Variants in RBFOX3 observed in about 807,000 individuals in gnomAD.
RBFOX3 encodes the protein RNA binding protein fox-1 homolog 3.
In RBFOX3, 17 loss-of-function variants were observed where a neutral mutation model predicts 48.7. That is an observed-to-expected ratio of 0.35 (90% CI 0.24 to 0.52). The LOEUF is 0.52. Among genes scored for constraint, RBFOX3 ranks in the 20% least tolerant of loss-of-function variants. RBFOX3 has a pLI of 0.94. For missense variants in RBFOX3, 382 were observed against 497.5 expected (o/e 0.77, Z 2.21); for synonymous variants, 212 against 209.5 (o/e 1.01, Z -0.10).
chr17:79,103,750 C>G lies in RBFOX3; in HGVS notation c.414+323G>C, dbSNP rs1256383843. On this transcript the variant is annotated intron_variant, in intron 7 of 14. Coordinates refer to ENST00000693108, the MANE Select transcript of RBFOX3 (RefSeq NM_001350451.2). The surrounding 1 kb of genome is among the most constrained non-coding windows in gnomAD (Gnocchi z 6.1). ...CCTCCCCAGCCTGCCCTCTCTGTAG[C>G]CCCTCCCTCAAGCTTCAAGGCCAGT... Among the ~76,000 whole-genome samples, 1 of 152,126 alleles carries G rather than the reference C, an allele frequency of 6.6e-6. No homozygotes were observed. The highest frequency in any genetic ancestry group is 1.5e-5 in the Non-Finnish European group (1 of 68,026).
At chr17:79,434,541 A>G (rs2069045269) in intron 2 of RBFOX3, among the ~76,000 whole-genome samples, 2 of 152,236 alleles carry the variant, frequency 1.3e-5, no homozygotes, top group African/African-American at 4.8e-5. Context: ...CTATGACAGC[A>G]TAAAAATCCC....
intron 3 of RBFOX3, among the ~76,000 whole-genome samples, chr17:79,247,856 G>T (rs759096275): frequency 6.6e-6 from 1 of 152,228 alleles, no homozygotes; most frequent in Non-Finnish European, 1.5e-5. Flanking sequence ...ACATCGAAGT[G>T]CCTCAGTTTA....
intron 2 of RBFOX3, among the ~76,000 whole-genome samples, chr17:79,368,716 G>A (rs1467232104): frequency 6.6e-6 from 1 of 152,140 alleles, no homozygotes; most frequent in Non-Finnish European, 1.5e-5. Flanking sequence ...GAGGCCCCAC[G>A]CTCAGCCTCC....
chr17:79,093,843 GCGCACCTCCCCGCCC>G (rs1322936813), intron 14 of RBFOX3, among the ~76,000 whole-genome samples: 4 of 148,782 alleles, frequency 2.7e-5, no homozygotes, highest in African/African-American at 9.9e-5. Context: ...ACGCCACGCC[GCGCACCTCCCCGCCC>G]CGCCCCTTCC....
At chr17:79,530,206 ACGGAGAG>A (rs2087507272) in intron 1 of RBFOX3, among the ~76,000 whole-genome samples, 2 of 152,148 alleles carry the variant, frequency 1.3e-5, no homozygotes, top group Non-Finnish European at 2.9e-5. Flanking sequence ...GCTGTGCACC[ACGGAGAG>A]AGTGGACTTT....
intron 4 of RBFOX3, among the ~76,000 whole-genome samples, chr17:79,179,300 TGCTCTG>T (rs2051325774): frequency 6.6e-6 from 1 of 152,226 alleles, no homozygotes; most frequent in African/African-American, 2.4e-5. Flanking sequence ...AGAGGGAACG[TGCTCTG>T]CCATCAACAA....
chr17:79,353,612 C>T (rs1031542548), intron 2 of RBFOX3, among the ~76,000 whole-genome samples: 7 of 152,236 alleles, frequency 4.6e-5, no homozygotes, highest in African/African-American at 1.4e-4. Context: ...AACACCAAAC[C>T]TCCAGGAAAT....
the RBFOX3 span, among the ~76,000 whole-genome samples, chr17:79,625,325 C>A: frequency 6.6e-6 from 1 of 152,156 alleles, no homozygotes; most frequent in African/African-American, 2.4e-5. Flanking sequence ...GCGGCCATGC[C>A]CTTGCCTGCA....
At chr17:79,426,304 G>A (rs1273057518) in intron 2 of RBFOX3, among the ~76,000 whole-genome samples, 2 of 152,202 alleles carry the variant, frequency 1.3e-5, no homozygotes, top group African/African-American at 2.4e-5. Context: ...GCTGTCGCAG[G>A]TGCTGGGAGA....
intron 2 of RBFOX3, among the ~76,000 whole-genome samples, chr17:79,370,266 G>T (rs568699627): frequency 1.3e-4 from 20 of 152,326 alleles, no homozygotes; most frequent in Admixed American, 3.9e-4. Flanking sequence ...CACTCTGCCC[G>T]GGTTGCCACG....
chr17:79,488,917 G>T (rs1430964049), intron 1 of RBFOX3, among the ~76,000 whole-genome samples: 6 of 152,332 alleles, frequency 3.9e-5, no homozygotes, highest in African/African-American at 1.4e-4. Context: ...GCCATTTAGG[G>T]ACATAGCATA....
At chr17:79,125,418 G>A (rs1297157524) in intron 4 of RBFOX3, among the ~76,000 whole-genome samples, 1 of 152,246 alleles carries the variant, frequency 6.6e-6, no homozygotes, top group Non-Finnish European at 1.5e-5. Context: ...CTAGAGCTGA[G>A]GACCCCCAGA....
rs10641407 is a variant in RBFOX3 at position 79,220,598 on chromosome 17, G to GGTGT, written c.-34+15164_-34+15167dup. 0.02 allele frequency among the ~76,000 whole-genome samples: 2,997 copies of GGTGT among 150,738 alleles called. 108 individuals are homozygous for GGTGT. The highest frequency in any genetic ancestry group is 0.069 in the African/African-American group (2,829 of 41,080). ...TCATCAAGCAGGGGACCCAGGGGAG[G>GGTGT]GTGTGTGTGTGTGTGTGTCGGGGGG... On this transcript the variant is annotated intron_variant, in intron 4 of 14. Coordinates refer to ENST00000693108, the MANE Select transcript of RBFOX3 (RefSeq NM_001350451.2). This position sits in a 1 kb window ranked among gnomAD's most constrained non-coding sequence, Gnocchi z 5.9.
chr17:79,106,621 G>A, intron 6 of RBFOX3, 30 bp downstream of exon 6: 3 of 1,432,332 alleles, frequency 2.1e-6, no homozygotes, highest in East Asian at 3.0e-5. Context: ...AGGTGTGGAG[G>A]GCAGGATGGG....
rs145604541 is a variant in RBFOX3, at chr17:79,346,043, C to T, written c.-174-38219G>A. On this transcript the variant is annotated intron_variant, in intron 2 of 14. Coordinates refer to ENST00000693108, the MANE Select transcript of RBFOX3 (RefSeq NM_001350451.2). ...TCAAGCAATTCTCCTGCCTTAGCCTCCCAAGTAGCTGGGATTACAAGCACA... is the reference window on the plus strand; with the variant it reads ...TCAAGCAATTCTCCTGCCTTAGCCTTCCAAGTAGCTGGGATTACAAGCACA... 1.7e-3 allele frequency among the ~76,000 whole-genome samples: 259 copies of T among 152,242 alleles called. 3 individuals are homozygous for T. Among genetic ancestry groups the T allele is most frequent in the African/African-American group, 5.9e-3 (246 of 41,536 alleles).
chr17:79,558,721 C>A (rs1322496973), intron 1 of RBFOX3, among the ~76,000 whole-genome samples: 2 of 152,306 alleles, frequency 1.3e-5, no homozygotes, highest in South Asian at 4.1e-4. Flanking sequence ...CTGTTAACCA[C>A]ATATTCTCAC....
the RBFOX3 span, among the ~76,000 whole-genome samples, chr17:79,620,506 T>C: frequency 0.082 from 10,765 of 131,246 alleles, 1,370 homozygotes; most frequent in African/African-American, 0.29. Flanking sequence ...CGCACACACA[T>C]GCGCATACGT....
At chr17:79,610,447 G>A (rs1444274550) in intron 1 of RBFOX3, among the ~76,000 whole-genome samples, 1 of 151,698 alleles carries the variant, frequency 6.6e-6, no homozygotes, top group Non-Finnish European at 1.5e-5. Context: ...CGCCGCCGCC[G>A]CCGCCACAGC....
At chr17:79,091,154 C>A (rs768622044) in intron 14 of RBFOX3, among the ~76,000 whole-genome samples, 2 of 152,168 alleles carry the variant, frequency 1.3e-5, no homozygotes, top group Non-Finnish European at 2.9e-5. Flanking sequence ...AGAGGCTGGG[C>A]CAGCACAGGC....
Sources: gnomAD v4.1 joint callset for allele counts (sites outside exome capture counted in the v4.1 genomes callset) on GRCh38, gnomAD v4.1.1 for gene constraint, Gnocchi (gnomAD v3.1) non-coding constraint, MANE v1.5 for transcripts, NCBI Gene and HGNC (gene_info 2026-07-23, HGNC 2026-07-21) for gene names.